The following GPC3 variants were observed in gnomAD, a reference collection of about 807,000 sequenced individuals.
GPC3 encodes glypican-3.
Under a neutral mutation model 34.4 loss-of-function variants are expected in GPC3, and 3 were observed. The observed-to-expected ratio is 0.09, with a 90% CI of 0.04 to 0.23. The LOEUF (loss-of-function observed/expected upper bound fraction) is 0.23, where lower values mean the gene tolerates loss of function less well. GPC3 is among the 10% of genes least tolerant of loss of function. GPC3 has a pLI of 1.00. For synonymous variants in GPC3, 177 were observed against 174.0 expected (o/e 1.02, Z -0.13); for missense variants, 351 against 445.6 (o/e 0.79, Z 1.91).
chrX:133,730,583 T>G (rs1025177919), intron 3 of GPC3, among the ~76,000 whole-genome samples: 8 of 111,995 alleles, frequency 7.1e-5, no homozygotes, highest in African/African-American at 2.3e-4. Context: ...TGTCATCTTC[T>G]GCCTATTTTA....
chrX:133,805,419 G>C (rs1465890739), intron 2 of GPC3, among the ~76,000 whole-genome samples: 4 of 111,849 alleles, frequency 3.6e-5, no homozygotes, highest in Admixed American at 2.8e-4. Flanking sequence ...GGGGACAGTG[G>C]AATATGAGGT....
rs192325524 is a variant in GPC3, at chrX:133,892,334, G to A, written c.337+60716C>T. On this transcript the variant is annotated intron_variant, in intron 2 of 7. Coordinates refer to ENST00000370818, the MANE Select transcript of GPC3 (RefSeq NM_004484.4). ...TGGTGACCTCTTCGTTTCAAATGCTGTAATGAGCTCAGTTTTGCTCCTTCA... is the reference window on the plus strand; with the variant it reads ...TGGTGACCTCTTCGTTTCAAATGCTATAATGAGCTCAGTTTTGCTCCTTCA... Among the ~76,000 whole-genome samples the A allele has an allele frequency of 4.9e-4, 55 of 111,596 alleles. 1 individual carries two copies. The Middle Eastern group carries it at 0.014, about 28-fold the overall frequency.
At chrX:133,596,990 C>T (rs1274577150) in intron 6 of GPC3, among the ~76,000 whole-genome samples, 1 of 110,867 alleles carries the variant, frequency 9.0e-6, no homozygotes, top group Non-Finnish European at 1.9e-5. Flanking sequence ...TGGAAGCCCC[C>T]AATAATCAAA....
At chrX:133,587,461 C>T (rs746393371) in intron 7 of GPC3, among the ~76,000 whole-genome samples, 13 of 111,569 alleles carry the variant, frequency 1.2e-4, no homozygotes, top group Non-Finnish European at 1.9e-4. Context: ...AGTAAATGCC[C>T]AGTAGTGAGA....
At chrX:133,740,823 T>A (rs998981634) in intron 3 of GPC3, among the ~76,000 whole-genome samples, 1 of 111,367 alleles carries the variant, frequency 9.0e-6, no homozygotes, top group Non-Finnish European at 1.9e-5. Context: ...TTTTTTAAAG[T>A]ATTTTTTCAA....
intron 7 of GPC3, among the ~76,000 whole-genome samples, chrX:133,591,536 T>C (rs1603180199): frequency 9.0e-6 from 1 of 111,682 alleles, no homozygotes; most frequent in East Asian, 2.8e-4. Flanking sequence ...TATTGGGGGC[T>C]AGGCATCATT....
intron 7 of GPC3, among the ~76,000 whole-genome samples, chrX:133,562,816 G>A (rs111226253): frequency 4.5e-5 from 5 of 111,046 alleles, no homozygotes; most frequent in African/African-American, 1.6e-4. Flanking sequence ...CATTATGGGA[G>A]TGTTAGGATC....
chrX:133,948,417 G>T (rs1329473827), intron 2 of GPC3, among the ~76,000 whole-genome samples: 1 of 110,414 alleles, frequency 9.1e-6, no homozygotes, highest in Non-Finnish European at 1.9e-5. Context: ...AACAGAAGAA[G>T]CACAGAAACG....
chrX:133,673,445 A>G (rs1385918181), intron 5 of GPC3, among the ~76,000 whole-genome samples: 1 of 112,609 alleles, frequency 8.9e-6, no homozygotes, highest in Non-Finnish European at 1.9e-5. Flanking sequence ...ATAGCAAAGA[A>G]CAAGGGGGCA....
chrX:133,740,992 T>C (rs1463014179), intron 3 of GPC3, among the ~76,000 whole-genome samples: 2 of 110,454 alleles, frequency 1.8e-5, no homozygotes, highest in Non-Finnish European at 1.9e-5. Flanking sequence ...ATCACTTCAT[T>C]AGAGGCCTCA....
chrX:133,542,732 G>A (rs1394930973), intron 7 of GPC3, among the ~76,000 whole-genome samples: 2 of 111,878 alleles, frequency 1.8e-5, no homozygotes, highest in Non-Finnish European at 3.8e-5. Context: ...GAAACCTCAG[G>A]ACATTGCTTG....
At chrX:133,563,228 G>A (rs2069554450) in intron 7 of GPC3, among the ~76,000 whole-genome samples, 1 of 111,653 alleles carries the variant, frequency 9.0e-6, no homozygotes, top group Non-Finnish European at 1.9e-5. Context: ...ATACAAAAGA[G>A]CTGGATTTTG....
At chrX:133,666,467 C>T (rs2124406110) in intron 5 of GPC3, among the ~76,000 whole-genome samples, 1 of 112,510 alleles carries the variant, frequency 8.9e-6, no homozygotes, top group East Asian at 2.8e-4. Flanking sequence ...TTTGCATCTA[C>T]TTCACAAGGC....
intron 2 of GPC3, among the ~76,000 whole-genome samples, chrX:133,945,310 G>A (rs1385557047): frequency 9.0e-6 from 1 of 111,494 alleles, no homozygotes; most frequent in East Asian, 2.8e-4. Context: ...AGGATCCCTT[G>A]AGCCCGGGAG....
chrX:133,749,885 G>A (rs1224978104), intron 3 of GPC3, among the ~76,000 whole-genome samples: 3 of 111,108 alleles, frequency 2.7e-5, no homozygotes, highest in East Asian at 2.8e-4. Flanking sequence ...CTGCAGCTCC[G>A]ACTCCCCCTC....
chrX:133,904,366 C>T (rs751901607), intron 2 of GPC3, among the ~76,000 whole-genome samples: 12 of 111,209 alleles, frequency 1.1e-4, no homozygotes, highest in Admixed American at 4.8e-4. Flanking sequence ...CTCAGAGCCC[C>T]GCAAACAAAT....
At chrX:133,548,092 T>C (rs2069402958) in intron 7 of GPC3, among the ~76,000 whole-genome samples, 1 of 112,591 alleles carries the variant, frequency 8.9e-6, no homozygotes, top group Non-Finnish European at 1.9e-5. Context: ...CACTCTGTCC[T>C]TATAACATTT....
chrX:133,786,353 C>T (rs1348730119), intron 2 of GPC3, among the ~76,000 whole-genome samples: 1 of 112,306 alleles, frequency 8.9e-6, no homozygotes, highest in East Asian at 2.8e-4. Flanking sequence ...CGAGATAGCA[C>T]CATTGCACTC....
intron 6 of GPC3, among the ~76,000 whole-genome samples, chrX:133,660,436 C>T (rs2070705295): frequency 8.9e-6 from 1 of 111,757 alleles, no homozygotes; most frequent in Non-Finnish European, 1.9e-5. Context: ...TTTATTGTGG[C>T]CACAAAGCAA....
Sources: gnomAD v4.1 joint callset for allele counts (sites outside exome capture counted in the v4.1 genomes callset) on GRCh38, gnomAD v4.1.1 for gene constraint, MANE v1.5 for transcripts, NCBI Gene and HGNC (gene_info 2026-07-23, HGNC 2026-07-21) for gene names.